The following IL1RAPL1 variants were observed in gnomAD, a reference collection of about 807,000 sequenced individuals.
IL1RAPL1 encodes the protein interleukin-1 receptor accessory protein-like 1.
IL1RAPL1 carries 3 observed loss-of-function variants against 48.4 expected under a neutral mutation model. The observed-to-expected ratio is 0.06, with a 90% CI of 0.03 to 0.16. IL1RAPL1 has a LOEUF of 0.16. IL1RAPL1 is among the 10% of genes least tolerant of loss of function. IL1RAPL1 has a pLI of 1.00. For missense variants in IL1RAPL1, 349 were observed against 530.6 expected, an observed-to-expected ratio of 0.66 and a Z score of 3.36; for synonymous variants, 185 against 187.7, an observed-to-expected ratio of 0.99 and a Z score of 0.12.
chrX:29,102,566 G>A (rs952317308), intron 2 of IL1RAPL1, among the ~76,000 whole-genome samples: 44 of 109,162 alleles, frequency 4.0e-4, no homozygotes, highest in African/African-American at 1.4e-3. Flanking sequence ...CTCAGGAGGC[G>A]GAGGCAGGAG....
At chrX:29,362,011 G>A (rs1374451486) in intron 3 of IL1RAPL1, among the ~76,000 whole-genome samples, 1 of 111,937 alleles carries the variant, frequency 8.9e-6, no homozygotes, top group Non-Finnish European at 1.9e-5. Flanking sequence ...TGATAAAAAA[G>A]TGATATTATG....
intron 2 of IL1RAPL1, among the ~76,000 whole-genome samples, chrX:29,115,491 T>G (rs1329148171): frequency 9.0e-6 from 1 of 111,417 alleles, no homozygotes; most frequent in Non-Finnish European, 1.9e-5. Context: ...GATTGACCTT[T>G]TTATTGTTAT....
chrX:29,580,052 C>T (rs1437097695), intron 5 of IL1RAPL1, among the ~76,000 whole-genome samples: 2 of 110,586 alleles, frequency 1.8e-5, no homozygotes, highest in Non-Finnish European at 3.8e-5. Context: ...CCACCACTAC[C>T]CCTTCTCCCC....
intron 5 of IL1RAPL1, among the ~76,000 whole-genome samples, chrX:29,665,528 C>G (rs1212224250): frequency 2.7e-5 from 3 of 112,130 alleles, no homozygotes; most frequent in African/African-American, 9.7e-5. Flanking sequence ...CCATAATGTT[C>G]CAGAAACATT....
At chrX:29,334,836 G>C (rs1160647286) in intron 3 of IL1RAPL1, among the ~76,000 whole-genome samples, 1 of 111,443 alleles carries the variant, frequency 9.0e-6, no homozygotes, top group African/African-American at 3.3e-5. Context: ...AGACGATGGG[G>C]GGCCAGGCAG....
chrX:29,496,636 T>A, intron 5 of IL1RAPL1, among the ~76,000 whole-genome samples: 1 of 110,858 alleles, frequency 9.0e-6, no homozygotes, highest in Non-Finnish European at 1.9e-5. Flanking sequence ...TCAGTATAAA[T>A]TACCCAGTCT....
At chrX:28,862,976 G>A (rs181046789) in intron 2 of IL1RAPL1, among the ~76,000 whole-genome samples, 311 of 110,307 alleles carry the variant, frequency 2.8e-3, no homozygotes, top group African/African-American at 9.7e-3. Context: ...CCGCCTCCCC[G>A]GTTCAAGTGA....
rs887839845 is a variant in IL1RAPL1 at position 29,832,768 on chromosome X, G to A, written c.779-84696G>A. ...CACTGAACACACTGACACACACAAT[G>A]TTATGCAGAGAGTTTCCTCCCAGAT... On this transcript the variant is annotated intron_variant, in intron 6 of 10. Coordinates refer to ENST00000378993, the MANE Select transcript of IL1RAPL1 (RefSeq NM_014271.4). Among the ~76,000 whole-genome samples, 6 of 100,104 alleles carry A rather than the reference G, an allele frequency of 6.0e-5. No individual in the cohort carries two copies. The East Asian group carries it at 1.3e-3, about 22-fold the overall frequency. The allele number at this position is 100,104 out of a possible 115,157, so 86.9% of individuals were successfully genotyped here.
intron 1 of IL1RAPL1, among the ~76,000 whole-genome samples, chrX:28,603,204 G>A (rs920626938): frequency 3.6e-5 from 4 of 111,196 alleles, no homozygotes; most frequent in African/African-American, 9.8e-5. Context: ...TCAACAAGCT[G>A]GTATTAATTT....
At chrX:29,390,571 G>T (rs916106580) in intron 3 of IL1RAPL1, among the ~76,000 whole-genome samples, 2 of 111,661 alleles carry the variant, frequency 1.8e-5, no homozygotes, top group Non-Finnish European at 3.8e-5. Context: ...CAGGTCATGT[G>T]TTTAGTGATC....
intron 3 of IL1RAPL1, among the ~76,000 whole-genome samples, chrX:29,349,180 G>A (rs889691708): frequency 1.8e-5 from 2 of 112,462 alleles, no homozygotes; most frequent in African/African-American, 6.5e-5. Flanking sequence ...AATGCTGATA[G>A]ATTGAGTGGG....
intron 8 of IL1RAPL1, among the ~76,000 whole-genome samples, chrX:29,926,012 C>CT (rs750562613): frequency 0.063 from 6,327 of 100,966 alleles, 406 homozygotes; most frequent in African/African-American, 0.19. Context: ...GTTTTGAAGG[C>CT]TTTTTTTTTT....
chrX:29,453,168 C>T (rs546313795), intron 5 of IL1RAPL1, among the ~76,000 whole-genome samples: 6 of 109,211 alleles, frequency 5.5e-5, no homozygotes, highest in East Asian at 2.9e-4. Context: ...TCAAGTGATC[C>T]GCCACCTCGG....
chrX:29,766,327 CA>C (rs1220003136), intron 6 of IL1RAPL1, among the ~76,000 whole-genome samples: 1,291 of 25,528 alleles, frequency 0.051, 18 homozygotes, highest in South Asian at 0.067. Flanking sequence ...GACTCCGTCT[CA>C]AAAAAAAAAA....
intron 1 of IL1RAPL1, among the ~76,000 whole-genome samples, chrX:28,748,037 AT>A (rs1174834437): frequency 8.9e-6 from 1 of 112,065 alleles, no homozygotes; most frequent in East Asian, 2.8e-4. Context: ...TTCATCACAT[AT>A]TTTGAGAGCT....
At chrX:28,806,106 T>C (rs974507276) in intron 2 of IL1RAPL1, among the ~76,000 whole-genome samples, 6 of 111,832 alleles carry the variant, frequency 5.4e-5, no homozygotes, top group African/African-American at 1.9e-4. Flanking sequence ...ATAGCATTAT[T>C]TGACCAATTG....
intron 1 of IL1RAPL1, among the ~76,000 whole-genome samples, chrX:28,674,442 G>A (rs775763831): frequency 2.7e-5 from 3 of 111,295 alleles, no homozygotes; most frequent in African/African-American, 6.5e-5. Flanking sequence ...GGGAAATACC[G>A]TTCCTTTTTT....
intron 2 of IL1RAPL1, among the ~76,000 whole-genome samples, chrX:28,938,845 A>G (rs1924087008): frequency 9.0e-6 from 1 of 110,793 alleles, no homozygotes; most frequent in Non-Finnish European, 1.9e-5. Flanking sequence ...AAACAGTCCC[A>G]TTAAAAAGTG....
intron 2 of IL1RAPL1, among the ~76,000 whole-genome samples, chrX:29,058,856 G>C (rs749655037): frequency 6.9e-4 from 77 of 112,209 alleles, no homozygotes; most frequent in Middle Eastern, 9.3e-3. Flanking sequence ...CATCAAAAAA[G>C]ACTGTCAATA....
Sources: gnomAD v4.1 joint callset for allele counts (sites outside exome capture counted in the v4.1 genomes callset) on GRCh38, gnomAD v4.1.1 for gene constraint, MANE v1.5 for transcripts, NCBI Gene and HGNC (gene_info 2026-07-23, HGNC 2026-07-21) for gene names.